IL1R1: variants seen among roughly 807,000 people sequenced by gnomAD.
The protein encoded by IL1R1 is interleukin-1 receptor type 1.
In IL1R1, 22 loss-of-function variants were observed where a neutral mutation model predicts 50.2. The observed-to-expected ratio is 0.44, with a 90% CI of 0.31 to 0.63. The LOEUF (loss-of-function observed/expected upper bound fraction) is 0.63. Among genes scored for constraint, IL1R1 ranks in the 20% least tolerant of loss-of-function variants. IL1R1 has a pLI of 0.07. For missense variants in IL1R1, 509 were observed against 676.2 expected, an observed-to-expected ratio of 0.75 and a Z score of 2.74; for synonymous variants, 251 against 236.7, an observed-to-expected ratio of 1.06 and a Z score of -0.55.
intron 1 of IL1R1, among the ~76,000 whole-genome samples, chr2:102,076,869 T>A (rs1036201332): frequency 3.9e-5 from 6 of 152,094 alleles, no homozygotes; most frequent in African/African-American, 1.2e-4. Flanking sequence ...CATTATTTAT[T>A]CAAATTTTTT....
At chr2:102,074,936 A>G (rs1678896316) in intron 1 of IL1R1, among the ~76,000 whole-genome samples, 1 of 152,106 alleles carries the variant, frequency 6.6e-6, no homozygotes, top group Non-Finnish European at 1.5e-5. Context: ...ATATATATAT[A>G]TTTAACTCAT....
At chr2:102,078,177 T>C (rs1559450144) in intron 1 of IL1R1, among the ~76,000 whole-genome samples, 1 of 151,844 alleles carries the variant, frequency 6.6e-6, no homozygotes. Flanking sequence ...GAATACTAAA[T>C]GCCAAATATC....
chr2:102,132,303 A>G (rs550147528), intron 1 of IL1R1, among the ~76,000 whole-genome samples: 1 of 152,032 alleles, frequency 6.6e-6, no homozygotes, highest in African/African-American at 2.4e-5. Flanking sequence ...AATTATTTAA[A>G]CAGAAGTAAT....
chr2:102,130,732 A>G (rs1681984608), intron 1 of IL1R1, among the ~76,000 whole-genome samples: 1 of 152,106 alleles, frequency 6.6e-6, no homozygotes, highest in Non-Finnish European at 1.5e-5. Flanking sequence ...GGGGGTGGGC[A>G]TGTGTAAAGA....
Position 102,164,915 on chromosome 2 carries a change from C to T in IL1R1, c.203C>T (p.Thr68Ile). 6.2e-7 allele frequency: 1 copy of T among 1,614,114 alleles called. No homozygotes were observed. The highest frequency in any genetic ancestry group is 8.5e-7 in the Non-Finnish European group (1 of 1,179,994). ...YKDDSKTPVS[T>I]EQASRIHQHK... is the part of the protein sequence containing the mutation. ...GATGACAGCAAGACACCTGTATCTA[C>T]AGAACAAGCCTCCAGGATTCATCAA... Residue 68 changes from threonine (T) to isoleucine (I), a missense_variant, in exon 4 of 12, where the codon ACA (threonine) becomes ATA (isoleucine). Coordinates refer to ENST00000410023, the MANE Select transcript of IL1R1 (RefSeq NM_000877.4).
At chr2:102,143,796 G>C (rs113917140) in intron 1 of IL1R1, among the ~76,000 whole-genome samples, 2 of 152,244 alleles carry the variant, frequency 1.3e-5, no homozygotes, top group African/African-American at 4.8e-5. Context: ...GCTGGCTCCT[G>C]CTGGGCTGTC....
At position 102,132,745 on chromosome 2, in the gene IL1R1, A is replaced by G. The variant is rs552213028; in HGVS notation, c.-83-21196A>G. 5.3e-5 allele frequency among the ~76,000 whole-genome samples: 8 copies of G among 152,346 alleles called. No homozygotes were observed. In the South Asian group the frequency reaches 1.7e-3, roughly 32 times the overall value. On this transcript the variant is annotated intron_variant, in intron 1 of 10. Transcript: ENST00000409329. The stretch of plus-strand genomic sequence containing the variant: ...TTAAAAAGAGAAGACAGAACAATCA[A>G]TGGTAGGAACTAGGTAATATCACTA...
chr2:102,098,074 G>A (rs745504820), intron 1 of IL1R1, among the ~76,000 whole-genome samples: 3 of 151,908 alleles, frequency 2.0e-5, no homozygotes, highest in South Asian at 2.1e-4. Context: ...ATCCATGACC[G>A]TGTTACGATT....
At chr2:102,116,746 A>T (rs894468930) in intron 1 of IL1R1, among the ~76,000 whole-genome samples, 3 of 152,220 alleles carry the variant, frequency 2.0e-5, no homozygotes, top group African/African-American at 7.2e-5. Flanking sequence ...ACCCGTGCTG[A>T]AAACCTCCTT....
chr2:102,147,447 A>G (rs1178528808), intron 1 of IL1R1, among the ~76,000 whole-genome samples: 1 of 152,152 alleles, frequency 6.6e-6, no homozygotes, highest in African/African-American at 2.4e-5. Flanking sequence ...GTCCAGTGCA[A>G]TAGTGGCCTT....
chr2:102,161,281 G>A (rs1218267371), intron 3 of IL1R1, among the ~76,000 whole-genome samples: 1 of 152,018 alleles, frequency 6.6e-6, no homozygotes, highest in Non-Finnish European at 1.5e-5. Context: ...TAATTCCATT[G>A]TCACCAGAGA....
chr2:102,164,003 T>C lies in IL1R1; in HGVS notation c.62-771T>C, dbSNP rs575355156. Reference sequence around the variant, plus strand: ...ACTCTGCCTGATGCCTTATCATTAATGAGGCTTTCCACCCTGGCTGTTGGG... The same window carrying C: ...ACTCTGCCTGATGCCTTATCATTAACGAGGCTTTCCACCCTGGCTGTTGGG... On this transcript the variant is annotated intron_variant, in intron 3 of 11. Coordinates refer to ENST00000410023, the MANE Select transcript of IL1R1 (RefSeq NM_000877.4). 1.1e-3 allele frequency among the ~76,000 whole-genome samples: 160 copies of C among 152,312 alleles called. 1 individual carries two copies. Among genetic ancestry groups the C allele is most frequent in the South Asian group, 7.7e-3 (37 of 4,828 alleles).
chr2:102,158,895 A>G (rs1684446633), intron 3 of IL1R1, among the ~76,000 whole-genome samples: 1 of 152,204 alleles, frequency 6.6e-6, no homozygotes, highest in South Asian at 2.1e-4. Context: ...TCTAGGCAAG[A>G]AATGTTGATG....
chr2:102,146,971 G>A (rs1202447355), intron 1 of IL1R1, among the ~76,000 whole-genome samples: 1 of 152,212 alleles, frequency 6.6e-6, no homozygotes, highest in East Asian at 1.9e-4. Context: ...TGGGTAGTGA[G>A]TGATTAAAGT....
intron 1 of IL1R1, among the ~76,000 whole-genome samples, chr2:102,081,808 C>A (rs1577798462): frequency 6.6e-6 from 1 of 152,198 alleles, no homozygotes; most frequent in Non-Finnish European, 1.5e-5. Context: ...CCAGTGGCTT[C>A]CTCTCTTGAT....
rs376447148 is a variant in IL1R1, at chr2:102,168,609, C to A, written c.667C>A (p.Pro223Thr). The A allele has an allele frequency of 3.7e-6, 6 of 1,613,566 alleles. No individual in the cohort carries two copies. The highest frequency in any genetic ancestry group is 5.1e-6 in the Non-Finnish European group (6 of 1,179,790). ...TGTTTTTCTTTCAGAGGAAAACAAA[C>A]CCACAAGGCCTGTGATTGTGAGCCC... is the stretch of plus-strand genomic sequence containing the variant. ...IEFITLEENKPTRPVIVSPAN... is the reference protein window; with the variant it reads ...IEFITLEENKTTRPVIVSPAN... The change falls in exon 7 of 12, where the codon CCC (proline) becomes ACC (threonine). Residue 223 changes from proline to threonine, a missense_variant. Transcript: ENST00000410023.
intron 1 of IL1R1, among the ~76,000 whole-genome samples, chr2:102,147,331 C>G (rs1016427454): frequency 1.3e-5 from 2 of 152,214 alleles, no homozygotes; most frequent in African/African-American, 4.8e-5. Flanking sequence ...GCTTAGTCCT[C>G]TGAAACTGTC....
At chr2:102,152,677 T>G (rs3755292) in intron 1 of IL1R1, among the ~76,000 whole-genome samples, 33,856 of 151,570 alleles carry the variant, frequency 0.22, 4,083 homozygotes, top group African/African-American at 0.3. Context: ...AGCAGCTGCT[T>G]TCATATCTGG....
intron 1 of IL1R1, among the ~76,000 whole-genome samples, chr2:102,115,532 G>C (rs1681021933): frequency 6.6e-6 from 1 of 152,208 alleles, no homozygotes; most frequent in Non-Finnish European, 1.5e-5. Flanking sequence ...CAGCAGGGGA[G>C]AGAACTCAAG....
Sources: allele counts gnomAD v4.1 joint callset (sites outside exome capture counted in the v4.1 genomes callset), GRCh38; gene constraint gnomAD v4.1.1; transcripts MANE v1.5; gene names NCBI Gene and HGNC (gene_info 2026-07-23, HGNC 2026-07-21).